YJU2B: variants seen among roughly 807,000 people sequenced by gnomAD.
YJU2B encodes probable splicing factor YJU2B.
YJU2B carries 18 observed loss-of-function variants against 38.0 expected under a neutral mutation model. That is an observed-to-expected ratio of 0.47 (90% CI 0.33 to 0.70). YJU2B has a LOEUF of 0.70. YJU2B is among the 30% of genes least tolerant of loss of function. YJU2B has a pLI of 0.02. For synonymous variants in YJU2B, 246 were observed against 225.4 expected (o/e 1.09, Z -0.82); for missense variants, 538 against 556.3 (o/e 0.97, Z 0.33).
chr19:13,737,155 C>T (rs1972971912), intron 2 of YJU2B, among the ~76,000 whole-genome samples: 1 of 152,130 alleles, frequency 6.6e-6, no homozygotes, highest in Non-Finnish European at 1.5e-5. Flanking sequence ...AGTCTCCACG[C>T]TATCTGTGAC....
chr19:13,751,680 G>A lies in YJU2B; in HGVS notation c.-129G>A, dbSNP rs1028907842. ...GAGCTGGCACCACCACACGGCCCACGACATCTTCGCAGGGAAGCCTGTGGA... is the reference window on the plus strand; with the variant it reads ...GAGCTGGCACCACCACACGGCCCACAACATCTTCGCAGGGAAGCCTGTGGA... On this transcript the variant is annotated 5_prime_UTR_variant, in exon 2 of 10. Coordinates refer to ENST00000221554, the MANE Select transcript of YJU2B (RefSeq NM_030818.4). The A allele has an allele frequency of 2.2e-5, 22 of 981,166 alleles. No homozygotes were observed. The highest frequency in any genetic ancestry group is 9.6e-5 in the South Asian group (7 of 72,986). 60.8% of individuals were successfully genotyped at this position (981,166 alleles called of 1,614,324 possible).
In YJU2B at chr19:13,750,836, T is replaced by TG. The variant is rs1211036152; in HGVS notation, c.-201-771dup. Among the ~76,000 whole-genome samples the TG allele has an allele frequency of 1.2e-4, 15 of 120,466 alleles. No homozygotes were observed. In the Admixed American group the frequency reaches 1.6e-3, roughly 13 times the overall value. 79.0% of individuals were successfully genotyped at this position (120,466 alleles called of 152,430 possible). On this transcript the variant is annotated intron_variant, in intron 1 of 9. Transcript: ENST00000221554. ...TCATGCCACCCCACTCCAGCCTGGGTGATAGAGTGAGACTCCGTCTCAAAA... is the reference window on the plus strand; with the variant it reads ...TCATGCCACCCCACTCCAGCCTGGGTGGATAGAGTGAGACTCCGTCTCAAAA...
Position 13,751,637 on chromosome 19 carries a change from C to G in YJU2B, c.-172C>G. ...GCCGCTTTTTGGATGCCTCCTATGC[C>G]TGGCGGGAGTCTTGTCTGAGCTGGC... On this transcript the variant is annotated 5_prime_UTR_variant, in exon 2 of 10. Transcript: ENST00000221554. 1 of 649,756 alleles carries G rather than the reference C, an allele frequency of 1.5e-6. No individual in the cohort carries two copies. Among genetic ancestry groups the G allele is most frequent in the East Asian group, 2.7e-5 (1 of 36,666 alleles). The allele number at this position is 649,756 out of a possible 1,614,324, so 40.2% of individuals were successfully genotyped here. A position where few individuals can be genotyped will look rare whatever the true frequency, so the allele number is the denominator to read the frequency against.
At chr19:13,749,632 CTT>C (rs71170557) in intron 1 of YJU2B, among the ~76,000 whole-genome samples, 16 of 130,290 alleles carry the variant, frequency 1.2e-4, no homozygotes, top group Admixed American at 1.6e-4. Context: ...GAACTTCTTT[CTT>C]TTTTTTTTTT....
At position 13,756,402 on chromosome 19, in the gene YJU2B, C is replaced by T. The variant is rs764634208; in HGVS notation, c.140+123C>T. ...TTCATTCCATAAAGCAGAAAGTCAC[C>T]GTATCAGTCAGTTATTGCCGTGTGA... On this transcript the variant is annotated intron_variant, in intron 4 of 9. Transcript: ENST00000221554. The T allele has an allele frequency of 3.9e-5, 29 of 734,996 alleles. No individual in the cohort carries two copies. The East Asian group carries it at 4.8e-4, about 12-fold the overall frequency. The allele number at this position is 734,996 out of a possible 1,614,324, so 45.5% of individuals were successfully genotyped here. A position where few individuals can be genotyped will look rare whatever the true frequency, so the allele number is the denominator to read the frequency against.
intron 2 of YJU2B, among the ~76,000 whole-genome samples, chr19:13,742,722 C>T (rs1169246334): frequency 6.6e-6 from 1 of 152,230 alleles, no homozygotes; most frequent in Non-Finnish European, 1.5e-5. Context: ...TGAGACTCTA[C>T]AAGCCAAGGC....
intron 4 of YJU2B, 129 bp downstream of exon 4, chr19:13,756,408 A>G: frequency 1.4e-6 from 1 of 714,168 alleles, no homozygotes; most frequent in Non-Finnish European, 2.5e-6. Context: ...TCACCGTATC[A>G]GTCAGTTATT....
rs1449977092 is a variant in YJU2B at position 13,763,026 on chromosome 19, C to G, written c.1149C>G (p.Gly383=). 6.3e-7 allele frequency: 1 copy of G among 1,584,752 alleles called. No homozygotes were observed. The highest frequency in any genetic ancestry group is 8.6e-7 in the Non-Finnish European group (1 of 1,165,146). The change falls in exon 10 of 10, where the codon GGC becomes GGG. Residue 383 remains glycine, a synonymous_variant. Transcript: ENST00000221554. ...TPDTRHPCSL[G]SSLVADYSDS... is the part of the protein sequence containing the mutation. ...ACACGCGGCACCCCTGCAGTCTCGG[C>G]TCCTCCCTCGTGGCGGACTACTCCG... is the stretch of plus-strand genomic sequence containing the variant.
chr19:13,747,595 C>A (rs1973287493), upstream of YJU2B, among the ~76,000 whole-genome samples: 1 of 152,230 alleles, frequency 6.6e-6, no homozygotes, highest in South Asian at 2.1e-4. Flanking sequence ...CTCAGCCTCC[C>A]AAGTAGCTGG....
At position 13,758,991 on chromosome 19, in the gene YJU2B, T is replaced by C; in HGVS notation, c.381T>C (p.Asn127=). Residue 127 remains asparagine (N), a synonymous_variant, in exon 7 of 10, where the codon AAT becomes AAC. Transcript: ENST00000221554. The stretch of plus-strand genomic sequence containing the variant: ...AGGAGCGCTGGGACATGGCGGACAA[T>C]GAGCAGGTGCTGACCACAGGTGAGC... The part of the protein sequence containing the change: ...RKEERWDMAD[N]EQVLTTEHEK... 6.2e-7 allele frequency: 1 copy of C among 1,613,660 alleles called. No individual in the cohort carries two copies. Among genetic ancestry groups the C allele is most frequent in the Non-Finnish European group, 8.5e-7 (1 of 1,179,872 alleles).
chr19:13,756,413 G>A, intron 4 of YJU2B, 134 bp downstream of exon 4: 3 of 689,274 alleles, frequency 4.4e-6, no homozygotes, highest in Middle Eastern at 2.7e-4. Context: ...GTATCAGTCA[G>A]TTATTGCCGT....
At chr19:13,737,038 A>AG (rs544682306) in intron 2 of YJU2B, among the ~76,000 whole-genome samples, 4 of 151,096 alleles carry the variant, frequency 2.6e-5, no homozygotes, top group African/African-American at 9.8e-5. Context: ...AAAAAAAAAA[A>AG]AAAAGAAAAA....
At position 13,763,197 on chromosome 19, in the gene YJU2B, CCG is replaced by C. The variant is rs1208911231; in HGVS notation, c.*133_*134del. ...GCTCAGATGCCGCATCCTCCCCAGA[CCG>C]CGCCTTCCTGCAACCGTGGAGTTAT... On this transcript the variant is annotated 3_prime_UTR_variant, in exon 10 of 10. Transcript: ENST00000221554. The C allele has an allele frequency of 2.7e-5, 19 of 693,406 alleles. No homozygotes were observed. Among genetic ancestry groups the C allele is most frequent in the Non-Finnish European group, 3.5e-5 (15 of 427,736 alleles). 43.0% of individuals were successfully genotyped at this position (693,406 alleles called of 1,614,324 possible).
chr19:13,758,795 G>T, intron 6 of YJU2B, 73 bp from the exon 7 acceptor site: 1 of 1,541,606 alleles, frequency 6.5e-7, no homozygotes, highest in Non-Finnish European at 8.9e-7. Flanking sequence ...GTGGAAGGAA[G>T]CAGGCAGAGG....
rs544973465 is a variant in YJU2B, at chr19:13,735,529, GT to G, written c.-202+3258del. Among the ~76,000 whole-genome samples the G allele has an allele frequency of 1.0e-3, 143 of 142,220 alleles. 1 individual carries two copies. Among genetic ancestry groups the G allele is most frequent in the South Asian group, 1.3e-3 (6 of 4,484 alleles). The allele number at this position is 142,220 out of a possible 152,430, so 93.3% of individuals were successfully genotyped here. ...GCCGCCCAGCCACCCCAGTGTCTGT[GT>G]TTTTTTTTTTTTTCTCCAGCCCCCA... On this transcript the variant is annotated intron_variant, in intron 2 of 10. Transcript: ENST00000586600.
chr19:13,761,629 C>G (rs1188579648), intron 8 of YJU2B: 5 of 152,408 alleles, frequency 3.3e-5, no homozygotes, highest in African/African-American at 1.2e-4. Flanking sequence ...ACCTGTAATC[C>G]CAGTGCTTTG....
intron 3 of YJU2B, among the ~76,000 whole-genome samples, chr19:13,754,875 A>C (rs1456492028): frequency 4.6e-5 from 7 of 152,118 alleles, no homozygotes; most frequent in Non-Finnish European, 1.0e-4. Flanking sequence ...AGAGATGTTC[A>C]TCTATCTTAT....
chr19:13,752,010 T>C (rs1973486410), intron 2 of YJU2B, among the ~76,000 whole-genome samples, 199 bp downstream of exon 2: 2 of 152,206 alleles, frequency 1.3e-5, no homozygotes, highest in Non-Finnish European at 2.9e-5. Context: ...TTGTTTCATT[T>C]TCTTTTGTTT....
chr19:13,754,189 A>G, intron 2 of YJU2B, 100 bp from the exon 3 acceptor site: 1 of 913,598 alleles, frequency 1.1e-6, no homozygotes, highest in Non-Finnish European at 1.8e-6. Flanking sequence ...TAATAGTAAA[A>G]TAAAAAATCA....
Sources: allele counts gnomAD v4.1 joint callset (sites outside exome capture counted in the v4.1 genomes callset), GRCh38; gene constraint gnomAD v4.1.1; transcripts MANE v1.5; gene names NCBI Gene and HGNC (gene_info 2026-07-23, HGNC 2026-07-21).